Variants in GRM5 observed in about 807,000 individuals in gnomAD.
GRM5 encodes the protein metabotropic glutamate receptor 5.
Under a neutral mutation model 83.1 loss-of-function variants are expected in GRM5, and 19 were observed. The ratio of observed to expected loss-of-function variants is 0.23; its 90% CI spans 0.16 to 0.34. GRM5 has a LOEUF of 0.34. Among genes scored for constraint, GRM5 ranks in the 10% least tolerant of loss-of-function variants. The pLI, the probability that GRM5 is intolerant of heterozygous loss-of-function variation, is 1.00. For missense variants in GRM5, 1,160 were observed against 1,588.3 expected (o/e 0.73, Z 4.58); for synonymous variants, 675 against 633.6 (o/e 1.07, Z -0.98).
chr11:88,769,767 A>T (rs1942693801), intron 3 of GRM5, among the ~76,000 whole-genome samples: 1 of 152,056 alleles, frequency 6.6e-6, no homozygotes. Context: ...AAATCGAATA[A>T]ATTAATAAGT....
At chr11:88,824,684 T>A (rs1315477108) in intron 3 of GRM5, among the ~76,000 whole-genome samples, 1 of 152,062 alleles carries the variant, frequency 6.6e-6, no homozygotes, top group Non-Finnish European at 1.5e-5. Context: ...GGAGTCACAG[T>A]TCAAGTAGAA....
intron 2 of GRM5, among the ~76,000 whole-genome samples, chr11:89,008,120 CT>C (rs1659245232): frequency 6.6e-6 from 1 of 151,742 alleles, no homozygotes; most frequent in African/African-American, 2.4e-5. Flanking sequence ...TAAAAGGAAA[CT>C]GTGAAAAAAC....
intron 2 of GRM5, among the ~76,000 whole-genome samples, chr11:89,017,819 G>C (rs974109827): frequency 6.6e-6 from 1 of 152,138 alleles, no homozygotes; most frequent in African/African-American, 2.4e-5. Context: ...AAAATCTACA[G>C]AATGTTTGGT....
chr11:88,607,703 C>A (rs749497145), intron 4 of GRM5, among the ~76,000 whole-genome samples: 1 of 152,162 alleles, frequency 6.6e-6, no homozygotes, highest in Non-Finnish European at 1.5e-5. Flanking sequence ...TAAATTATTC[C>A]GCCCTAGACA....
rs200288063 is a variant in GRM5, at chr11:89,048,059, A to C, written c.-187T>G. On this transcript the variant is annotated 5_prime_UTR_variant, in exon 2 of 10. An upstream start codon of the reference 5' UTR is lost. Transcript: ENST00000305447. ...ATTTAGTTAGATGATCCATGTGGTC[A>C]TGATCTTCTAAACCTGAAAAAAAAA... 18 of 576,832 alleles carry C rather than the reference A, an allele frequency of 3.1e-5. No homozygotes were observed. The highest frequency in any genetic ancestry group is 5.2e-5 in the Non-Finnish European group (17 of 325,004). The allele number at this position is 576,832 out of a possible 1,614,324, so 35.7% of individuals were successfully genotyped here. A position where few individuals can be genotyped will look rare whatever the true frequency, so the allele number is the denominator to read the frequency against.
chr11:89,054,178 C>G (rs559866685), intron 1 of GRM5, among the ~76,000 whole-genome samples: 3 of 152,126 alleles, frequency 2.0e-5, no homozygotes, highest in African/African-American at 7.2e-5. Flanking sequence ...AGATGATAGT[C>G]GTTGGATTGG....
At chr11:88,845,242 T>C (rs1427692433) in intron 3 of GRM5, among the ~76,000 whole-genome samples, 4 of 151,372 alleles carry the variant, frequency 2.6e-5, no homozygotes, top group African/African-American at 9.7e-5. Flanking sequence ...CCCTAATCAG[T>C]CAGCAGCCAT....
intron 9 of GRM5, chr11:88,522,983 A>C (rs1443164428): frequency 6.6e-6 from 1 of 152,046 alleles, no homozygotes; most frequent in Non-Finnish European, 1.5e-5. Flanking sequence ...TTTATCTGGG[A>C]TCTCCTACTC....
chr11:89,056,361 C>T (rs1941874041), intron 1 of GRM5, among the ~76,000 whole-genome samples: 1 of 152,140 alleles, frequency 6.6e-6, no homozygotes. Context: ...GGCCATTTCT[C>T]CTTGTGGTGA....
At chr11:88,509,776 A>G (rs1941312161) in intron 9 of GRM5, among the ~76,000 whole-genome samples, 1 of 152,168 alleles carries the variant, frequency 6.6e-6, no homozygotes, top group Admixed American at 6.5e-5. Flanking sequence ...AGGATGAAGG[A>G]GTGTTTATTA....
chr11:88,917,787 C>G (rs1048266110), intron 2 of GRM5, among the ~76,000 whole-genome samples: 1 of 151,514 alleles, frequency 6.6e-6, no homozygotes, highest in African/African-American at 2.4e-5. Flanking sequence ...AACACACAGA[C>G]AGAGGAAAGC....
At chr11:88,690,082 A>G (rs1057452045) in intron 3 of GRM5, among the ~76,000 whole-genome samples, 1 of 152,224 alleles carries the variant, frequency 6.6e-6, no homozygotes, top group African/African-American at 2.4e-5. Flanking sequence ...GCTGATAAAA[A>G]TCTATGAAAA....
At chr11:89,032,940 C>A (rs1189172083) in intron 2 of GRM5, among the ~76,000 whole-genome samples, 1 of 151,944 alleles carries the variant, frequency 6.6e-6, no homozygotes, top group Non-Finnish European at 1.5e-5. Context: ...CCCAGCCAAT[C>A]AATATCTCAC....
At chr11:88,566,649 T>C (rs533763439) in intron 8 of GRM5, among the ~76,000 whole-genome samples, 2 of 152,310 alleles carry the variant, frequency 1.3e-5, no homozygotes, top group African/African-American at 4.8e-5. Flanking sequence ...GTTCTTGGCA[T>C]TTTGCTCTCA....
chr11:88,901,290 C>T (rs1945311748), intron 2 of GRM5, among the ~76,000 whole-genome samples: 2 of 151,966 alleles, frequency 1.3e-5, no homozygotes, highest in Non-Finnish European at 2.9e-5. Context: ...GTTGTTATAT[C>T]CCTTGACATA....
chr11:88,566,516 A>C (rs1329530288), intron 8 of GRM5, among the ~76,000 whole-genome samples: 2 of 152,210 alleles, frequency 1.3e-5, no homozygotes, highest in African/African-American at 4.8e-5. Flanking sequence ...TAAAGATTTC[A>C]TCTTGCCCAT....
chr11:88,510,235 C>T (rs116297927), intron 9 of GRM5, among the ~76,000 whole-genome samples: 1,669 of 152,350 alleles, frequency 0.011, 32 homozygotes, highest in African/African-American at 0.038. Flanking sequence ...AGTGAGAGTG[C>T]TGTATAATGC....
At chr11:88,887,071 C>A (rs1397575660) in intron 2 of GRM5, among the ~76,000 whole-genome samples, 2 of 152,124 alleles carry the variant, frequency 1.3e-5, no homozygotes, top group Non-Finnish European at 2.9e-5. Context: ...CCAATTCTCT[C>A]CCTTTTTGCA....
At chr11:88,732,480 C>A (rs1213477533) in intron 3 of GRM5, among the ~76,000 whole-genome samples, 1 of 151,874 alleles carries the variant, frequency 6.6e-6, no homozygotes, top group Non-Finnish European at 1.5e-5. Context: ...GTGCTGGGCA[C>A]GAGGGACTTT....
Sources: allele counts gnomAD v4.1 joint callset (sites outside exome capture counted in the v4.1 genomes callset), GRCh38; gene constraint gnomAD v4.1.1; transcripts MANE v1.5; gene names NCBI Gene and HGNC (gene_info 2026-07-23, HGNC 2026-07-21).